MCF2L: variants seen among roughly 807,000 people sequenced by gnomAD.
The protein encoded by MCF2L is MCF.2 cell line derived transforming sequence like, also known as guanine nucleotide exchange factor DBS.
Under a neutral mutation model 153.4 loss-of-function variants are expected in MCF2L, and 97 were observed. The observed-to-expected ratio is 0.63, with a 90% CI of 0.54 to 0.75. The LOEUF is 0.75. MCF2L is among the 30% of genes least tolerant of loss of function. MCF2L has a pLI of 0.00. For synonymous variants in MCF2L, 659 were observed against 632.2 expected (o/e 1.04, Z -0.64); for missense variants, 1,347 against 1,495.2 (o/e 0.90, Z 1.64).
In MCF2L at chr13:113,074,750, G is replaced by T. The variant is rs1185752010; in HGVS notation, c.1116+187G>T. On this transcript the variant is annotated intron_variant, in intron 10 of 29. Coordinates refer to ENST00000535094, the MANE Select transcript of MCF2L (RefSeq NM_001112732.3). This position sits in a 1 kb window ranked among gnomAD's most constrained non-coding sequence, Gnocchi z 4.2. ...CTCCCACACCCCACCCACAGCACAT[G>T]GCCCTGCCCGGCCTCCTCTGGGTCA... Among the ~76,000 whole-genome samples the T allele has an allele frequency of 2.0e-5, 3 of 150,510 alleles. No homozygotes were observed. Among genetic ancestry groups the T allele is most frequent in the Admixed American group, 6.6e-5 (1 of 15,188 alleles).
intron 2 of MCF2L, among the ~76,000 whole-genome samples, chr13:112,959,965 T>C (rs755751273): frequency 2.6e-5 from 4 of 152,226 alleles, no homozygotes; most frequent in Non-Finnish European, 2.9e-5. Context: ...CAGCACCTCC[T>C]GCAGGTGTGG....
At chr13:113,058,748 G>A (rs567213443) in intron 4 of MCF2L, among the ~76,000 whole-genome samples, 4 of 120,780 alleles carry the variant, frequency 3.3e-5, no homozygotes, top group Non-Finnish European at 3.6e-5. Flanking sequence ...CTGAGTGGGC[G>A]CTGTGTGTTT....
intron 1 of MCF2L, among the ~76,000 whole-genome samples, chr13:112,999,608 T>C (rs562712294): frequency 6.6e-6 from 1 of 152,018 alleles, no homozygotes; most frequent in Middle Eastern, 3.4e-3. Flanking sequence ...AGGGAGGAGG[T>C]GGGCCTTGGG....
chr13:113,088,204 TCA>T lies in MCF2L; in HGVS notation c.2689-119_2689-118del, dbSNP rs1262382596. 5 of 869,208 alleles carry T rather than the reference TCA, an allele frequency of 5.8e-6. No homozygotes were observed. The African/African-American group carries it at 6.6e-5, about 11-fold the overall frequency. 53.8% of individuals were successfully genotyped at this position (869,208 alleles called of 1,614,324 possible). A position where few individuals can be genotyped will look rare whatever the true frequency, so the allele number is the denominator to read the frequency against. ...CCCACAGTGCTTTCCTCCTCTCCCCTCACACGCAGCCACCTGACCTTTGACTC... is the reference window on the plus strand; with the variant it reads ...CCCACAGTGCTTTCCTCCTCTCCCCTCACGCAGCCACCTGACCTTTGACTC... On this transcript the variant is annotated intron_variant, in intron 23 of 29. Coordinates refer to ENST00000535094, the MANE Select transcript of MCF2L (RefSeq NM_001112732.3).
intron 4 of MCF2L, among the ~76,000 whole-genome samples, chr13:113,052,992 AACAC>A (rs1190407840): frequency 6.6e-6 from 1 of 151,874 alleles, no homozygotes; most frequent in African/African-American, 2.4e-5. Flanking sequence ...ATCACACACA[AACAC>A]ACACATATAT....
upstream of MCF2L, among the ~76,000 whole-genome samples, chr13:112,967,112 G>A (rs1420506472): frequency 1.3e-5 from 2 of 151,774 alleles, no homozygotes; most frequent in African/African-American, 4.8e-5. Context: ...GGAAAGGGCA[G>A]GGCCTGCATT....
At chr13:113,088,714 C>A in intron 25 of MCF2L, 86 bp downstream of exon 25, 1 of 1,352,066 alleles carries the variant, frequency 7.4e-7, no homozygotes, top group South Asian at 1.2e-5. Flanking sequence ...CGGCCTCTGT[C>A]AGTGGGACCC....
upstream of MCF2L, among the ~76,000 whole-genome samples, chr13:112,966,661 G>T (rs543898191): frequency 2.9e-4 from 44 of 152,312 alleles, no homozygotes; most frequent in African/African-American, 6.5e-4. The surrounding 1 kb of genome is among the most constrained non-coding windows in gnomAD (Gnocchi z 4.1). Context: ...TTGGCCAGGG[G>T]ACAGAGTGGA....
chr13:113,031,993 C>A lies in MCF2L; in HGVS notation c.278+7235C>A, dbSNP rs561550874. Among the ~76,000 whole-genome samples the A allele has an allele frequency of 6.6e-6, 1 of 152,326 alleles. No individual in the cohort carries two copies. The highest frequency in any genetic ancestry group is 2.1e-4 in the South Asian group (1 of 4,834). On this transcript the variant is annotated intron_variant, in intron 3 of 29. Transcript: ENST00000535094. The surrounding 1 kb of genome is among the most constrained non-coding windows in gnomAD (Gnocchi z 5.5). ...ACACACATGCAAGTGCATGCATACCCCCCCACAGACCTGCACATGTACACA... is the reference window on the plus strand; with the variant it reads ...ACACACATGCAAGTGCATGCATACCACCCCACAGACCTGCACATGTACACA...
chr13:113,040,042 C>T (rs1175697393), intron 3 of MCF2L, among the ~76,000 whole-genome samples: 2 of 152,192 alleles, frequency 1.3e-5, no homozygotes, highest in Non-Finnish European at 2.9e-5. Context: ...TATATGTATA[C>T]CATAACCCAG....
intron 2 of MCF2L, among the ~76,000 whole-genome samples, chr13:112,930,183 A>G (rs1456392352): frequency 6.6e-6 from 1 of 152,202 alleles, no homozygotes; most frequent in African/African-American, 2.4e-5. Context: ...CAGTCCAGTG[A>G]TCTTGCTTCT....
At chr13:112,974,007 C>T (rs11618358) in intron 1 of MCF2L, among the ~76,000 whole-genome samples, 40,752 of 152,098 alleles carry the variant, frequency 0.27, 6,357 homozygotes, top group Non-Finnish European at 0.35. Flanking sequence ...CTGACTCTTC[C>T]ACTGCCCCCT....
At chr13:112,988,850 C>T (rs34495078) in intron 1 of MCF2L, among the ~76,000 whole-genome samples, 6,575 of 23,518 alleles carry the variant, frequency 0.28, 57 homozygotes, top group Non-Finnish European at 0.42. Flanking sequence ...CTACCACGCC[C>T]AAGTCCTCCC....
At chr13:112,915,864 G>A (rs7997410) in intron 2 of MCF2L, among the ~76,000 whole-genome samples, 50,335 of 151,712 alleles carry the variant, frequency 0.33, 8,450 homozygotes, top group African/African-American at 0.35. Context: ...GGCTGAGATG[G>A]GTACTTTGTT....
intron 3 of MCF2L, among the ~76,000 whole-genome samples, chr13:113,033,030 C>G: frequency 6.7e-6 from 1 of 148,252 alleles, no homozygotes; most frequent in East Asian, 2.0e-4. Context: ...TTAGTGGACC[C>G]CGTGGCGTGA....
intron 2 of MCF2L, among the ~76,000 whole-genome samples, chr13:112,959,720 A>G (rs886090548): frequency 8.5e-5 from 13 of 152,232 alleles, no homozygotes; most frequent in Non-Finnish European, 1.8e-4. Context: ...AGGGATGTCA[A>G]AACCCAAAAG....
At chr13:112,979,403 TGGCTCGGGCCA>T (rs1431437424) in intron 1 of MCF2L, 1 of 1,386,040 alleles carries the variant, frequency 7.2e-7, no homozygotes, top group Non-Finnish European at 9.3e-7. Flanking sequence ...AGGGCAGTGG[TGGCTCGGGCCA>T]GGCTCTGGGA....
In MCF2L at chr13:113,053,786, C is replaced by A. The variant is rs2087535115; in HGVS notation, c.370-6807C>A. Among the ~76,000 whole-genome samples the A allele has an allele frequency of 6.6e-6, 1 of 152,204 alleles. No individual in the cohort carries two copies. Reference sequence around the variant, plus strand: ...TACTCTGTCTCCTCCTGTGTCCCTGCAGCTGTGTCTCCAGTGATCTTGCCT... The same window carrying A: ...TACTCTGTCTCCTCCTGTGTCCCTGAAGCTGTGTCTCCAGTGATCTTGCCT... On this transcript the variant is annotated intron_variant, in intron 4 of 29. Coordinates refer to ENST00000535094, the MANE Select transcript of MCF2L (RefSeq NM_001112732.3). This position sits in a 1 kb window ranked among gnomAD's most constrained non-coding sequence, Gnocchi z 4.4.
chr13:113,089,420 A>C (rs1566879473), intron 25 of MCF2L, among the ~76,000 whole-genome samples, 190 bp from the exon 26 acceptor site: 1 of 127,950 alleles, frequency 7.8e-6, no homozygotes, highest in African/African-American at 3.0e-5. Flanking sequence ...GTGGCCCCTC[A>C]GAAGCAGGAG....
Sources: allele counts gnomAD v4.1 joint callset (sites outside exome capture counted in the v4.1 genomes callset), GRCh38; gene constraint gnomAD v4.1.1; non-coding constraint Gnocchi (gnomAD v3.1); transcripts MANE v1.5; gene names NCBI Gene and HGNC (gene_info 2026-07-23, HGNC 2026-07-21).